STARD13: variants seen among roughly 807,000 people sequenced by gnomAD.
STARD13 encodes the protein stAR-related lipid transfer protein 13.
A neutral mutation model predicts 106.4 loss-of-function variants in STARD13; 62 were observed. The ratio of observed to expected loss-of-function variants is 0.58; its 90% CI spans 0.48 to 0.72. The LOEUF is 0.72. Ranked by LOEUF, STARD13 falls within the 30% of genes least tolerant of loss-of-function variation. The probability of loss-of-function intolerance (pLI) is 0.00; values close to 1 mark genes in which losing one functional copy is unlikely to be tolerated. For synonymous variants in STARD13, 565 were observed against 553.0 expected (o/e 1.02, Z -0.31); for missense variants, 1,387 against 1,424.0 (o/e 0.97, Z 0.42).
intron 1 of STARD13, among the ~76,000 whole-genome samples, chr13:33,201,083 AT>A (rs761763966): frequency 7.4e-4 from 112 of 151,544 alleles, no homozygotes; most frequent in African/African-American, 2.3e-3. Context: ...AAATAAAAAA[AT>A]AAAAAATAAA....
chr13:33,538,770 A>AT, the STARD13 span, among the ~76,000 whole-genome samples: 56 of 150,234 alleles, frequency 3.7e-4, no homozygotes, highest in East Asian at 0.011. Context: ...CAAACTATTT[A>AT]ATTTTTTTTT....
At chr13:33,521,364 G>C in the STARD13 span, among the ~76,000 whole-genome samples, 1 of 152,070 alleles carries the variant, frequency 6.6e-6, no homozygotes, top group Non-Finnish European at 1.5e-5. Context: ...TTTTCTCTGT[G>C]GGAGCTTCTG....
the STARD13 span, among the ~76,000 whole-genome samples, chr13:33,570,145 GA>G: frequency 6.8e-6 from 1 of 147,936 alleles, no homozygotes; most frequent in Non-Finnish European, 1.5e-5. Context: ...TTAAAGTAAT[GA>G]ATATCGTTTC....
rs1015472996 is a variant in STARD13 at position 33,104,617 on chromosome 13, C to T, written c.*976G>A. 5.9e-5 allele frequency: 9 copies of T among 152,608 alleles called. No homozygotes were observed. The highest frequency in any genetic ancestry group is 2.2e-4 in the African/African-American group (9 of 41,410). The allele number at this position is 152,608 out of a possible 1,614,324, so 9.5% of individuals were successfully genotyped here. ...CACCAATTAACTGTGACCAAATAGG[C>T]CACTGGTCAAATAGAATGACATTTA... On this transcript the variant is annotated 3_prime_UTR_variant, in exon 14 of 14. Transcript: ENST00000336934.
the STARD13 span, among the ~76,000 whole-genome samples, chr13:33,623,854 A>C: frequency 1.3e-5 from 2 of 152,224 alleles, no homozygotes; most frequent in Non-Finnish European, 2.9e-5. Flanking sequence ...AAACTCATGA[A>C]AAGATGCTCA....
At chr13:33,111,964 T>G in intron 9 of STARD13, 72 bp from the exon 10 acceptor site, 1 of 974,870 alleles carries the variant, frequency 1.0e-6, no homozygotes. Flanking sequence ...ACTCATCCCT[T>G]TTGTTTTCTG....
chr13:33,360,244 G>C, the STARD13 span, among the ~76,000 whole-genome samples: 589 of 150,090 alleles, frequency 3.9e-3, 2 homozygotes, highest in African/African-American at 0.013. Flanking sequence ...TCACTCTGTC[G>C]CCCAGGCTGT....
At chr13:33,626,933 A>C in the STARD13 span, among the ~76,000 whole-genome samples, 1 of 152,254 alleles carries the variant, frequency 6.6e-6, no homozygotes, top group African/African-American at 2.4e-5. Flanking sequence ...AAATAAAATA[A>C]AAATTCTGGC....
At chr13:33,364,540 C>T in the STARD13 span, among the ~76,000 whole-genome samples, 2 of 152,074 alleles carry the variant, frequency 1.3e-5, no homozygotes, top group Non-Finnish European at 2.9e-5. Flanking sequence ...GGGAAAAATA[C>T]GACTTCCTCG....
At chr13:33,616,994 G>A in the STARD13 span, among the ~76,000 whole-genome samples, 1,829 of 152,278 alleles carry the variant, frequency 0.012, 17 homozygotes, top group Non-Finnish European at 0.019. Flanking sequence ...AGATAATGAG[G>A]ATAGGGTACA....
At chr13:33,571,112 C>T in the STARD13 span, among the ~76,000 whole-genome samples, 1 of 152,080 alleles carries the variant, frequency 6.6e-6, no homozygotes, top group East Asian at 1.9e-4. Context: ...TCCTCCTGTG[C>T]ACGTTTTGAA....
At chr13:33,121,339 G>A (rs541472727) in intron 7 of STARD13, among the ~76,000 whole-genome samples, 4 of 152,176 alleles carry the variant, frequency 2.6e-5, no homozygotes, top group African/African-American at 4.8e-5. Context: ...GGCCGAGGTG[G>A]TTGGATTGTC....
rs142881961 is a variant in STARD13 at position 33,292,523 on chromosome 13, C to G, written c.124+57767G>C. Among the ~76,000 whole-genome samples the G allele has an allele frequency of 4.6e-5, 7 of 151,856 alleles. No homozygotes were observed. The East Asian group carries it at 1.4e-3, about 29-fold the overall frequency. Reference sequence around the variant, plus strand: ...GGCTGAGGTAGGAGCATGACTTGAGCCTGGGAGGTCAAGGCTCCAGTAAGC... The same window carrying G: ...GGCTGAGGTAGGAGCATGACTTGAGGCTGGGAGGTCAAGGCTCCAGTAAGC... On this transcript the variant is annotated intron_variant, in intron 1 of 5. Transcript: ENST00000567873.
At chr13:33,613,134 T>G in the STARD13 span, among the ~76,000 whole-genome samples, 1 of 152,232 alleles carries the variant, frequency 6.6e-6, no homozygotes, top group Non-Finnish European at 1.5e-5. Flanking sequence ...GGTTCCTGCC[T>G]TCAAGCAGCC....
chr13:33,476,642 T>G, the STARD13 span, among the ~76,000 whole-genome samples: 15 of 152,346 alleles, frequency 9.8e-5, no homozygotes, highest in East Asian at 7.7e-4. Flanking sequence ...GACACTAGAA[T>G]GCTAACAGTT....
intron 1 of STARD13, among the ~76,000 whole-genome samples, chr13:33,189,994 T>C (rs1405046870): frequency 6.6e-6 from 1 of 152,016 alleles, no homozygotes; most frequent in African/African-American, 2.4e-5. Flanking sequence ...TGATCCCCTT[T>C]TGGGACAAAA....
chr13:33,281,226 G>A (rs911043411), intron 1 of STARD13: 1 of 152,156 alleles, frequency 6.6e-6, no homozygotes, highest in African/African-American at 2.4e-5. Flanking sequence ...GAGCGAAGGA[G>A]CTTCTATACA....
the STARD13 span, among the ~76,000 whole-genome samples, chr13:33,660,760 T>C: frequency 6.6e-6 from 1 of 152,142 alleles, no homozygotes; most frequent in African/African-American, 2.4e-5. Flanking sequence ...CATTCTTTAT[T>C]TTCTGTAGAG....
the STARD13 span, among the ~76,000 whole-genome samples, chr13:33,444,605 A>C: frequency 6.6e-6 from 1 of 152,036 alleles, no homozygotes; most frequent in South Asian, 2.1e-4. Context: ...GTCTCTACAA[A>C]AAAAATAGAA....
Sources: allele counts gnomAD v4.1 joint callset (sites outside exome capture counted in the v4.1 genomes callset), GRCh38; gene constraint gnomAD v4.1.1; transcripts MANE v1.5; gene names NCBI Gene and HGNC (gene_info 2026-07-23, HGNC 2026-07-21).